The following CPM variants were observed in gnomAD, a reference collection of about 807,000 sequenced individuals.
The protein encoded by CPM is carboxypeptidase M.
A neutral mutation model predicts 46.4 loss-of-function variants in CPM; 35 were observed. The ratio of observed to expected loss-of-function variants is 0.75; its 90% CI spans 0.58 to 1.00. CPM has a LOEUF of 1.00. CPM is among the 50% of genes least tolerant of loss of function. CPM has a pLI of 0.00. For missense variants in CPM, 422 were observed against 530.4 expected (o/e 0.80, Z 2.01); for synonymous variants, 195 against 195.3 (o/e 1.00, Z 0.01).
chr12:68,913,916 T>C, intron 2 of CPM: 1 of 715,528 alleles, frequency 1.4e-6, no homozygotes. Context: ...ATCAAAAGAA[T>C]TTACAGTCAC....
intron 1 of CPM, among the ~76,000 whole-genome samples, chr12:68,947,263 T>C (rs920758204): frequency 6.6e-6 from 1 of 152,194 alleles, no homozygotes; most frequent in Non-Finnish European, 1.5e-5. Context: ...TTATTTTACA[T>C]AGTCATGTAG....
chr12:68,875,533 C>T (rs371431433), intron 3 of CPM, among the ~76,000 whole-genome samples: 114 of 152,026 alleles, frequency 7.5e-4, no homozygotes, highest in Non-Finnish European at 9.9e-4. Flanking sequence ...AAGCTGGGCG[C>T]GGTGGCTCAT....
chr12:68,885,681 A>G, intron 3 of CPM, 111 bp downstream of exon 3: 1 of 854,504 alleles, frequency 1.2e-6, no homozygotes, highest in Non-Finnish European at 1.9e-6. Flanking sequence ...TCTTTGTACA[A>G]TGCATGCTGG....
At chr12:68,892,244 C>T (rs749302913) in intron 2 of CPM, among the ~76,000 whole-genome samples, 3 of 152,102 alleles carry the variant, frequency 2.0e-5, no homozygotes, top group Non-Finnish European at 2.9e-5. Context: ...GAAACGTGAA[C>T]GTGTGAAGCA....
At chr12:68,922,324 C>G (rs975768479) in intron 2 of CPM, among the ~76,000 whole-genome samples, 1 of 152,210 alleles carries the variant, frequency 6.6e-6, no homozygotes, top group Non-Finnish European at 1.5e-5. Flanking sequence ...GTTTGAATAA[C>G]TGTCAATTCA....
chr12:68,960,512 G>T (rs1034838684), intron 1 of CPM, among the ~76,000 whole-genome samples: 1 of 152,150 alleles, frequency 6.6e-6, no homozygotes, highest in Non-Finnish European at 1.5e-5. Flanking sequence ...GTATAAAATA[G>T]CTACGCTGAA....
At chr12:68,865,307 G>A (rs1223809862) in intron 7 of CPM, among the ~76,000 whole-genome samples, 1 of 152,148 alleles carries the variant, frequency 6.6e-6, no homozygotes, top group East Asian at 1.9e-4. Flanking sequence ...GTCCATGAAC[G>A]ACTCAGCCAG....
intron 2 of CPM, among the ~76,000 whole-genome samples, chr12:68,905,313 C>T (rs1357743421): frequency 6.6e-6 from 1 of 151,792 alleles, no homozygotes; most frequent in Non-Finnish European, 1.5e-5. Flanking sequence ...CAGGGTCTCA[C>T]TCTGTCACCC....
chr12:68,866,797 T>C, intron 7 of CPM, 99 bp downstream of exon 7: 1 of 1,013,846 alleles, frequency 9.9e-7, no homozygotes, highest in Non-Finnish European at 1.5e-6. Context: ...AGGCTATAAC[T>C]ACAAAGCATA....
chr12:68,930,017 C>A (rs1016000286), intron 2 of CPM, among the ~76,000 whole-genome samples: 11 of 152,170 alleles, frequency 7.2e-5, no homozygotes, highest in Admixed American at 3.9e-4. Context: ...CTGGGTAAGA[C>A]TGCCCACGTT....
intron 2 of CPM, among the ~76,000 whole-genome samples, chr12:68,887,568 G>A (rs1886484734): frequency 6.6e-6 from 1 of 152,158 alleles, no homozygotes; most frequent in Non-Finnish European, 1.5e-5. Flanking sequence ...CAGTTTATAT[G>A]ATTTATGTAC....
At position 68,871,942 on chromosome 12, in the gene CPM, C is replaced by T; in HGVS notation, c.273G>A (p.Glu91=). The change falls in exon 4 of 9, where the codon GAG becomes GAA. Residue 91 remains glutamate (E), a synonymous_variant. Coordinates refer to ENST00000551568, the MANE Select transcript of CPM (RefSeq NM_198320.5). ...GATAGTCAATCAGATGGAGCAGCAG[C>T]TCCCGCCCAACAGTCTATATGTGTT... is the stretch of plus-strand genomic sequence containing the variant. The part of the protein sequence containing the change: ...NMHGDETVGR[E]LLLHLIDYLV... 6.2e-7 allele frequency: 1 copy of T among 1,614,086 alleles called. No homozygotes were observed. Among genetic ancestry groups the T allele is most frequent in the Non-Finnish European group, 8.5e-7 (1 of 1,180,024 alleles).
At position 68,878,754 on chromosome 12, in the gene CPM, T is replaced by A. The variant is rs866128156; in HGVS notation, c.259-6798A>T. 3.3e-5 allele frequency among the ~76,000 whole-genome samples: 5 copies of A among 152,262 alleles called. No homozygotes were observed. The South Asian group carries it at 1.0e-3, about 31-fold the overall frequency. ...TTCCCCTGTCTTGATAAATCTGCTC[T>A]ATCTGGACAACAGGCAAAATGAACC... On this transcript the variant is annotated intron_variant, in intron 3 of 8. Transcript: ENST00000551568.
intron 3 of CPM, among the ~76,000 whole-genome samples, chr12:68,880,977 G>C (rs1031208934): frequency 6.6e-6 from 1 of 152,176 alleles, no homozygotes; most frequent in East Asian, 1.9e-4. Context: ...AATGACCTTT[G>C]CAAGAATAAG....
intron 7 of CPM, among the ~76,000 whole-genome samples, chr12:68,859,869 C>T (rs937457212): frequency 6.6e-6 from 1 of 152,158 alleles, no homozygotes; most frequent in Non-Finnish European, 1.5e-5. Context: ...TATTTTAGAT[C>T]CTACGTGTCA....
chr12:68,873,326 A>G (rs4460888), intron 3 of CPM, among the ~76,000 whole-genome samples: 9,554 of 152,256 alleles, frequency 0.063, 500 homozygotes, highest in East Asian at 0.18. Context: ...GCACATAAAG[A>G]GACCACATTT....
chr12:68,926,931 T>C (rs1203716261), intron 2 of CPM, among the ~76,000 whole-genome samples: 4 of 152,250 alleles, frequency 2.6e-5, no homozygotes, highest in African/African-American at 9.6e-5. Flanking sequence ...CTATGGTGTA[T>C]ATGTGCCACA....
intron 5 of CPM, chr12:68,842,797 T>C (rs1420309522): frequency 5.1e-6 from 1 of 194,704 alleles, no homozygotes; most frequent in Non-Finnish European, 1.1e-5. Context: ...ATAATATCTT[T>C]TATTTTGATT....
chr12:68,863,782 C>T (rs1438933799), intron 7 of CPM, among the ~76,000 whole-genome samples: 1 of 152,124 alleles, frequency 6.6e-6, no homozygotes, highest in Non-Finnish European at 1.5e-5. Context: ...CCAGATGGGT[C>T]AAAACCTCAG....
Sources: allele counts gnomAD v4.1 joint callset (sites outside exome capture counted in the v4.1 genomes callset), GRCh38; gene constraint gnomAD v4.1.1; transcripts MANE v1.5; gene names NCBI Gene and HGNC (gene_info 2026-07-23, HGNC 2026-07-21).